NCR1: variants seen among roughly 807,000 people sequenced by gnomAD.
NCR1 encodes the protein natural cytotoxicity triggering receptor 1.
NCR1 carries 30 observed loss-of-function variants against 32.5 expected under a neutral mutation model. That is an observed-to-expected ratio of 0.92 (90% CI 0.69 to 1.25). The LOEUF is 1.25. Among genes scored for constraint, NCR1 ranks in the 50% most tolerant of loss-of-function variants. NCR1 has a pLI of 0.00. For missense variants in NCR1, 369 were observed against 380.7 expected (o/e 0.97, Z 0.26); for synonymous variants, 169 against 143.4 (o/e 1.18, Z -1.28).
the NCR1 span, among the ~76,000 whole-genome samples, chr19:54,925,089 G>A: frequency 6.6e-6 from 1 of 152,126 alleles, no homozygotes; most frequent in Non-Finnish European, 1.5e-5. Context: ...TGGTGATTGT[G>A]GAGACACTGG....
At position 54,906,307 on chromosome 19, in the gene NCR1, C is replaced by G; in HGVS notation, c.43C>G (p.Leu15Val). ...LPALLCVGLCLSQRISAQQQT... is the reference protein window; with the variant it reads ...LPALLCVGLCVSQRISAQQQT... ...TTACTCCCGTCTTCCAGGGCTGTGT[C>G]TGAGTCAGAGGATCAGCGCCCAGCA... Residue 15 changes from leucine to valine, a missense_variant, in exon 2 of 7, where the codon CTG becomes GTG. Physicochemically the swap from Leu to Val is conservative, Grantham distance 32. Coordinates refer to ENST00000291890, the MANE Select transcript of NCR1 (RefSeq NM_004829.7). 1 of 1,614,086 alleles carries G rather than the reference C, an allele frequency of 6.2e-7. No homozygotes were observed. The highest frequency in any genetic ancestry group is 8.5e-7 in the Non-Finnish European group (1 of 1,180,042).
the NCR1 span, among the ~76,000 whole-genome samples, chr19:54,922,057 C>T: frequency 2.6e-5 from 4 of 151,934 alleles, no homozygotes; most frequent in African/African-American, 4.8e-5. Flanking sequence ...CCACCCCACC[C>T]GGCTAATTTT....
chr19:54,932,708 T>C, the NCR1 span, among the ~76,000 whole-genome samples: 1 of 152,056 alleles, frequency 6.6e-6, no homozygotes, highest in Non-Finnish European at 1.5e-5. Context: ...CGGGCTGGAG[T>C]GCAGTGGCGC....
chr19:54,923,689 A>G, the NCR1 span: 1 of 1,606,684 alleles, frequency 6.2e-7, no homozygotes, highest in South Asian at 1.1e-5. Context: ...AAGACATCTT[A>G]GAGACCCGAA....
the NCR1 span, among the ~76,000 whole-genome samples, chr19:54,935,563 G>A: frequency 6.8e-6 from 1 of 147,316 alleles, no homozygotes; most frequent in Non-Finnish European, 1.5e-5. Flanking sequence ...AGGCGTGGTG[G>A]TGCACGCCTG....
At chr19:54,909,968 C>T (rs775698134) in intron 4 of NCR1, 50 bp from the exon 5 acceptor site, 3 of 1,372,702 alleles carry the variant, frequency 2.2e-6, no homozygotes, top group Non-Finnish European at 2.0e-6. Flanking sequence ...AATGGCAAGA[C>T]CGGAGGAAAC....
chr19:54,918,226 C>G (rs1404611251), downstream of NCR1, among the ~76,000 whole-genome samples: 2 of 151,856 alleles, frequency 1.3e-5, no homozygotes, highest in Non-Finnish European at 2.9e-5. Flanking sequence ...GCCACCGCAC[C>G]CGGCCTTATT....
chr19:54,909,870 G>A (rs2067866179), intron 4 of NCR1, 148 bp from the exon 5 acceptor site: 1 of 688,364 alleles, frequency 1.5e-6, no homozygotes, highest in Non-Finnish European at 2.4e-6. Context: ...GGGAGGCGGG[G>A]GTTGTAGTGA....
chr19:54,927,571 A>G, the NCR1 span: 1 of 1,559,778 alleles, frequency 6.4e-7, no homozygotes, highest in African/African-American at 1.6e-5. Context: ...AACAAAAACA[A>G]AAAACAAAAC....
At chr19:54,914,351 TC>T (rs2068089577), downstream of NCR1, among the ~76,000 whole-genome samples, 1 of 152,042 alleles carries the variant, frequency 6.6e-6, no homozygotes, top group Non-Finnish European at 1.5e-5. Context: ...CCTAATGCTA[TC>T]CCTTCCCCCG....
At chr19:54,906,861 A>G in intron 3 of NCR1, 54 bp downstream of exon 3, 1 of 1,590,318 alleles carries the variant, frequency 6.3e-7, no homozygotes. Flanking sequence ...TCCGGGATGC[A>G]GCATCATCTA....
upstream of NCR1, among the ~76,000 whole-genome samples, chr19:54,903,345 TATATGCATATATA>T: frequency 8.3e-6 from 1 of 121,210 alleles, no homozygotes; most frequent in Non-Finnish European, 1.7e-5. Flanking sequence ...TGTATATACA[TATATGCATATATA>T]CATACATGTA....
the NCR1 span, chr19:54,923,771 G>A: frequency 2.1e-4 from 337 of 1,613,678 alleles, no homozygotes; most frequent in Non-Finnish European, 2.4e-4. Flanking sequence ...CGGAGGTGCC[G>A]TTGCCCCGGA....
At chr19:54,923,123 G>C in the NCR1 span, among the ~76,000 whole-genome samples, 1 of 152,140 alleles carries the variant, frequency 6.6e-6, no homozygotes, top group Admixed American at 6.6e-5. Context: ...ATTAGAACAG[G>C]GCTGGCTGCC....
the NCR1 span, among the ~76,000 whole-genome samples, chr19:54,931,673 G>A: frequency 2.2e-5 from 2 of 91,548 alleles, no homozygotes; most frequent in Admixed American, 1.1e-4. Context: ...GGGCAAGAGC[G>A]AAACTCCATC....
intron 3 of NCR1, 122 bp downstream of exon 3, chr19:54,906,929 G>A: frequency 1.7e-6 from 2 of 1,191,834 alleles, no homozygotes; most frequent in Non-Finnish European, 2.4e-6. Context: ...CTGGAAGGAG[G>A]GGTGATCCCC....
At chr19:54,913,785 C>T (rs756137803), downstream of NCR1, among the ~76,000 whole-genome samples, 8 of 151,134 alleles carry the variant, frequency 5.3e-5, no homozygotes, top group Non-Finnish European at 7.4e-5. Context: ...TACAAAAACT[C>T]GGCCAGGCAC....
the NCR1 span, among the ~76,000 whole-genome samples, chr19:54,924,077 C>G: frequency 1.2e-4 from 19 of 152,284 alleles, no homozygotes; most frequent in East Asian, 5.8e-4. Flanking sequence ...AAGCAATTCT[C>G]ATGCCTCAGG....
chr19:54,924,001 T>C, the NCR1 span: 3 of 994,752 alleles, frequency 3.0e-6, no homozygotes, highest in Non-Finnish European at 4.6e-6. Context: ...AGGGTCTTGC[T>C]CTGTTGCCCA....
Sources: allele counts gnomAD v4.1 joint callset (sites outside exome capture counted in the v4.1 genomes callset), GRCh38; gene constraint gnomAD v4.1.1; transcripts MANE v1.5; gene names NCBI Gene and HGNC (gene_info 2026-07-23, HGNC 2026-07-21).